Variants in BCOR observed in about 807,000 individuals in gnomAD.
The protein encoded by BCOR is BCL-6 corepressor.
In BCOR, 10 loss-of-function variants were observed where a neutral mutation model predicts 86.7. The observed-to-expected ratio is 0.12, with a 90% CI of 0.07 to 0.20. BCOR has a LOEUF of 0.20. Ranked by LOEUF, BCOR falls within the 10% of genes least tolerant of loss-of-function variation. The pLI is 1.00. For synonymous variants in BCOR, 611 were observed against 609.0 expected, an observed-to-expected ratio of 1.00 and a Z score of -0.05; for missense variants, 1,259 against 1,452.1, an observed-to-expected ratio of 0.87 and a Z score of 2.16.
intron 1 of BCOR, among the ~76,000 whole-genome samples, chrX:40,155,120 G>A (rs1168882547): frequency 9.0e-6 from 1 of 111,524 alleles, no homozygotes; most frequent in Non-Finnish European, 1.9e-5. Context: ...ACTGAGCCGG[G>A]GCCACCTCGC....
chrX:40,161,485 A>ACCGC (rs1938419744), intron 1 of BCOR, among the ~76,000 whole-genome samples: 1 of 98,811 alleles, frequency 1.0e-5, no homozygotes. Context: ...GGTGTGAGCC[A>ACCGC]GAAACCAGGC....
rs188050590 is a variant in BCOR at position 40,123,644 on chromosome X, C to T, written c.-40-45675G>A. Among the ~76,000 whole-genome samples the T allele has an allele frequency of 9.0e-5, 10 of 111,137 alleles. No individual in the cohort carries two copies. In the East Asian group the frequency reaches 2.0e-3, roughly 22 times the overall value. ...CTGGGATTACAGGTGTGAGCCACCG[C>T]GCCCGGCCTTCTTTTTTTCTTCCAC... On this transcript the variant is annotated intron_variant, in intron 1 of 14. Transcript: ENST00000342274.
chrX:40,087,561 A>C (rs981742335), intron 1 of BCOR, among the ~76,000 whole-genome samples: 2 of 112,244 alleles, frequency 1.8e-5, no homozygotes, highest in African/African-American at 6.5e-5. Context: ...GAGACCAGAC[A>C]TATCACAGCT....
chrX:40,153,559 C>G (rs897145492), intron 1 of BCOR, among the ~76,000 whole-genome samples: 9 of 112,104 alleles, frequency 8.0e-5, no homozygotes, highest in African/African-American at 2.6e-4. Context: ...TGCCCCACCC[C>G]CCGCGGGGCG....
chrX:40,082,400 C>T (rs966986437), intron 1 of BCOR, among the ~76,000 whole-genome samples: 1 of 112,021 alleles, frequency 8.9e-6, no homozygotes, highest in African/African-American at 3.2e-5. Flanking sequence ...TCCACACAGG[C>T]ATTGAGGGTG....
intron 1 of BCOR, among the ~76,000 whole-genome samples, chrX:40,096,742 T>C (rs1443111864): frequency 8.9e-6 from 1 of 112,002 alleles, no homozygotes; most frequent in Non-Finnish European, 1.9e-5. Context: ...TTTACAGTTC[T>C]TTCCCGAGTC....
intron 1 of BCOR, among the ~76,000 whole-genome samples, chrX:40,083,045 C>T (rs770548916): frequency 9.3e-6 from 1 of 107,677 alleles, no homozygotes; most frequent in Non-Finnish European, 1.9e-5. Flanking sequence ...TGCGTCACAG[C>T]AGCAGCGCTG....
intron 12 of BCOR, among the ~76,000 whole-genome samples, chrX:40,054,935 T>C (rs1472240679): frequency 8.9e-6 from 1 of 112,595 alleles, no homozygotes; most frequent in Non-Finnish European, 1.9e-5. Flanking sequence ...TGATAAGGAC[T>C]TTAACTGCAG....
intron 1 of BCOR, among the ~76,000 whole-genome samples, chrX:40,115,769 T>A (rs1937384287): frequency 9.7e-6 from 1 of 103,475 alleles, no homozygotes; most frequent in Admixed American, 1.0e-4. Context: ...AGAGTGTGAC[T>A]GTGTCTCAAA....
chrX:40,174,543 G>C (rs1413189681), intron 1 of BCOR, among the ~76,000 whole-genome samples: 4 of 113,028 alleles, frequency 3.5e-5, no homozygotes, highest in African/African-American at 1.3e-4. Flanking sequence ...CGCAGGAAAA[G>C]AAAAAGCCAA....
intron 1 of BCOR, among the ~76,000 whole-genome samples, chrX:40,116,107 T>C (rs1327103990): frequency 8.9e-6 from 1 of 111,842 alleles, no homozygotes; most frequent in African/African-American, 3.3e-5. Context: ...CTTCAGCTCC[T>C]AGAAGAACAA....
rs757333439 is a variant in BCOR at position 40,074,892 on chromosome X, G to A, written c.454C>T (p.Pro152Ser). 8.3e-7 allele frequency: 1 copy of A among 1,211,430 alleles called. No homozygotes were observed. Among genetic ancestry groups the A allele is most frequent in the South Asian group, 1.8e-5 (1 of 56,914 alleles). The change falls in exon 4 of 15, where the codon CCG (proline) becomes TCG (serine). Residue 152 changes from proline (P) to serine (S), a missense_variant. Pro to Ser is a moderately conservative substitution (Grantham distance 74). Coordinates refer to ENST00000378444, the MANE Select transcript of BCOR (RefSeq NM_001123385.2). ...ACAGCACTTTTTTGTATTCCAGGCG[G>A]TGTTTTGTATATAGCACTGAAGCCA... ...PNGFSAIYKT[P>S]PGIQKSAVAT...
intron 2 of BCOR, chrX:40,077,215 A>G: frequency 7.0e-6 from 1 of 143,082 alleles, no homozygotes; most frequent in Non-Finnish European, 1.4e-5. Context: ...ATCGATAAAG[A>G]AAGTGCTTGG....
At chrX:40,160,659 C>CT (rs145716696) in intron 1 of BCOR, among the ~76,000 whole-genome samples, 1,017 of 81,268 alleles carry the variant, frequency 0.013, 31 homozygotes, top group African/African-American at 0.026. Context: ...TGATCCTCTA[C>CT]TTTTTTTTTT....
upstream of BCOR, among the ~76,000 whole-genome samples, chrX:40,102,624 G>A (rs1937093847): frequency 8.8e-6 from 1 of 113,777 alleles, no homozygotes; most frequent in Non-Finnish European, 1.9e-5. Flanking sequence ...CTCGCCTTCG[G>A]ACCCAGTGTG....
At chrX:40,068,400 G>A (rs1483593750) in intron 6 of BCOR, among the ~76,000 whole-genome samples, 1 of 112,101 alleles carries the variant, frequency 8.9e-6, no homozygotes, top group Non-Finnish European at 1.9e-5. Context: ...CAAACTCAAA[G>A]TAGTTTACAA....
rs757762218 is a variant in BCOR at position 40,071,112 on chromosome X, A to G, written c.3099T>C (p.Gly1033=). ...FSELEMKERE[G]GHPATKDSEM... ...CGGAGTCTTTGGTTGCTGGGTGGCC[A>G]CCTTCTCTTTCTTTCATCTCCAACT... The change falls in exon 6 of 15, where the codon GGT becomes GGC. Residue 1033 remains glycine (G), a synonymous_variant. Coordinates refer to ENST00000378444, the MANE Select transcript of BCOR (RefSeq NM_001123385.2). 1.7e-6 allele frequency: 2 copies of G among 1,208,737 alleles called. No individual in the cohort carries two copies. Among genetic ancestry groups the G allele is most frequent in the South Asian group, 3.5e-5 (2 of 56,823 alleles).
At chrX:40,170,436 T>C (rs919810744) in intron 1 of BCOR, among the ~76,000 whole-genome samples, 26 of 109,317 alleles carry the variant, frequency 2.4e-4, no homozygotes, top group African/African-American at 8.0e-4. Flanking sequence ...CTGCAACCTC[T>C]GCCTACCGGG....
intron 1 of BCOR, among the ~76,000 whole-genome samples, chrX:40,112,435 T>C (rs763207845): frequency 3.6e-5 from 4 of 112,294 alleles, no homozygotes; most frequent in Non-Finnish European, 7.5e-5. Context: ...GTGCTTTCTA[T>C]AAATTAACTA....
Sources: gnomAD v4.1 joint callset for allele counts (sites outside exome capture counted in the v4.1 genomes callset) on GRCh38, gnomAD v4.1.1 for gene constraint, MANE v1.5 for transcripts, NCBI Gene and HGNC (gene_info 2026-07-23, HGNC 2026-07-21) for gene names.